GALNT13: variants seen among roughly 807,000 people sequenced by gnomAD.
GALNT13 encodes UDP-GalNAc:polypeptide N-acetylgalactosaminyltransferase 13.
In GALNT13, 28 loss-of-function variants were observed where a neutral mutation model predicts 64.2. That is an observed-to-expected ratio of 0.44 (90% confidence interval 0.32 to 0.60). GALNT13 has a LOEUF of 0.60. Ranked by LOEUF, GALNT13 falls within the 20% of genes least tolerant of loss-of-function variation. The pLI is 0.05. For synonymous variants in GALNT13, 214 were observed against 224.6 expected, an observed-to-expected ratio of 0.95 and a Z score of 0.42; for missense variants, 577 against 669.8, an observed-to-expected ratio of 0.86 and a Z score of 1.53.
chr2:153,334,532 A>C, the GALNT13 span, among the ~76,000 whole-genome samples: 1 of 152,166 alleles, frequency 6.6e-6, no homozygotes, highest in Non-Finnish European at 1.5e-5. Context: ...ACCCTGTATA[A>C]ACAAAATGAT....
chr2:153,648,262 C>A, the GALNT13 span, among the ~76,000 whole-genome samples: 1 of 152,220 alleles, frequency 6.6e-6, no homozygotes, highest in South Asian at 2.1e-4. Flanking sequence ...ATTTGGTTCT[C>A]TGTTTGTCTG....
At chr2:153,270,691 A>C in the GALNT13 span, among the ~76,000 whole-genome samples, 894 of 152,166 alleles carry the variant, frequency 5.9e-3, 8 homozygotes, top group African/African-American at 0.02. Flanking sequence ...TCTCTATAAG[A>C]AATACAGAAA....
At chr2:153,628,264 C>T in the GALNT13 span, among the ~76,000 whole-genome samples, 4 of 151,710 alleles carry the variant, frequency 2.6e-5, no homozygotes, top group Admixed American at 6.6e-5. Flanking sequence ...ATGGGGTTTT[C>T]TAGATATACA....
the GALNT13 span, among the ~76,000 whole-genome samples, chr2:153,418,781 C>T: frequency 2.0e-5 from 3 of 152,030 alleles, no homozygotes; most frequent in African/African-American, 4.8e-5. Flanking sequence ...TGGCTTGACC[C>T]CGGGAGGCAG....
chr2:154,291,849 T>C (rs1462757590), intron 8 of GALNT13, among the ~76,000 whole-genome samples: 1 of 152,272 alleles, frequency 6.6e-6, no homozygotes, highest in Non-Finnish European at 1.5e-5. Context: ...GCTAGCACGT[T>C]GTCACCTCTC....
At chr2:153,601,460 G>A in the GALNT13 span, among the ~76,000 whole-genome samples, 2 of 151,744 alleles carry the variant, frequency 1.3e-5, no homozygotes, top group South Asian at 4.2e-4. Flanking sequence ...TTTCCTTGAG[G>A]AGAGAAACAA....
At chr2:153,306,000 A>G in the GALNT13 span, among the ~76,000 whole-genome samples, 3 of 152,200 alleles carry the variant, frequency 2.0e-5, no homozygotes. Flanking sequence ...CATAACCAGA[A>G]AAGGAGTGGA....
intron 4 of GALNT13, among the ~76,000 whole-genome samples, chr2:154,186,156 A>G (rs1686238107): frequency 6.6e-6 from 1 of 152,000 alleles, no homozygotes; most frequent in African/African-American, 2.4e-5. Context: ...AATTTTTATT[A>G]TTTTTAAAAA....
chr2:153,986,753 G>C (rs2105175362), intron 3 of GALNT13, among the ~76,000 whole-genome samples: 1 of 151,966 alleles, frequency 6.6e-6, no homozygotes, highest in South Asian at 2.1e-4. Context: ...GTCATATTGG[G>C]TGTAACAAAG....
the GALNT13 span, among the ~76,000 whole-genome samples, chr2:153,685,441 T>C: frequency 6.6e-6 from 1 of 152,042 alleles, no homozygotes; most frequent in Admixed American, 6.6e-5. Flanking sequence ...TTCCATATGA[T>C]TGTTGGCCAC....
At chr2:154,284,065 G>A (rs992501857) in intron 8 of GALNT13, among the ~76,000 whole-genome samples, 1 of 152,104 alleles carries the variant, frequency 6.6e-6, no homozygotes, top group African/African-American at 2.4e-5. Context: ...ACATTATAGA[G>A]ACAATCAAGT....
the GALNT13 span, among the ~76,000 whole-genome samples, chr2:153,395,708 G>A: frequency 3.3e-5 from 5 of 152,126 alleles, no homozygotes; most frequent in South Asian, 4.1e-4. Context: ...GAAAATTTGC[G>A]AAACCTCTGT....
the GALNT13 span, among the ~76,000 whole-genome samples, chr2:153,613,242 CA>C: frequency 2.0e-5 from 3 of 152,068 alleles, no homozygotes; most frequent in Non-Finnish European, 2.9e-5. Context: ...TTTTCTAAAG[CA>C]TTTTGAGGGC....
chr2:153,561,691 G>A, the GALNT13 span, among the ~76,000 whole-genome samples: 1 of 145,566 alleles, frequency 6.9e-6, no homozygotes, highest in African/African-American at 2.6e-5. Flanking sequence ...TCACCACTTA[G>A]GTTAGGTAAG....
At chr2:153,082,963 G>A in the GALNT13 span, among the ~76,000 whole-genome samples, 2 of 151,510 alleles carry the variant, frequency 1.3e-5, no homozygotes, top group South Asian at 2.1e-4. Flanking sequence ...CAAGTGTCTG[G>A]GATTACAGGT....
chr2:154,268,549 C>A (rs1326281105), intron 8 of GALNT13, among the ~76,000 whole-genome samples: 1 of 151,818 alleles, frequency 6.6e-6, no homozygotes, highest in Non-Finnish European at 1.5e-5. Context: ...TTGAGTGGTA[C>A]AATTTAAATA....
At chr2:153,696,636 T>C in the GALNT13 span, among the ~76,000 whole-genome samples, 1 of 152,304 alleles carries the variant, frequency 6.6e-6, no homozygotes, top group Non-Finnish European at 1.5e-5. Flanking sequence ...TATGTTGTAA[T>C]ATAAGTTATG....
the GALNT13 span, among the ~76,000 whole-genome samples, chr2:153,571,449 G>A: frequency 1.3e-5 from 2 of 151,636 alleles, no homozygotes; most frequent in Non-Finnish European, 3.0e-5. Flanking sequence ...TATTTCTTTT[G>A]TCTGAATTAC....
chr2:153,812,466 C>T, the GALNT13 span, among the ~76,000 whole-genome samples: 1 of 151,838 alleles, frequency 6.6e-6, no homozygotes, highest in Admixed American at 6.6e-5. Flanking sequence ...CTTAAAATAC[C>T]AGAGTTAGAA....
Sources: gnomAD v4.1 joint callset for allele counts (sites outside exome capture counted in the v4.1 genomes callset) on GRCh38, gnomAD v4.1.1 for gene constraint, MANE v1.5 for transcripts, NCBI Gene and HGNC (gene_info 2026-07-23, HGNC 2026-07-21) for gene names.